MED23: variants seen among roughly 807,000 people sequenced by gnomAD.
MED23 encodes mediator complex subunit 23.
A neutral mutation model predicts 163.9 loss-of-function variants in MED23; 105 were observed. The ratio of observed to expected loss-of-function variants is 0.64; its 90% CI spans 0.55 to 0.75. The LOEUF is 0.75. MED23 is among the 30% of genes least tolerant of loss of function. The probability of loss-of-function intolerance (pLI) is 0.00; values close to 1 mark genes in which losing one functional copy is unlikely to be tolerated. For synonymous variants in MED23, 561 were observed against 565.6 expected (o/e 0.99, Z 0.12); for missense variants, 1,054 against 1,649.0 (o/e 0.64, Z 6.25).
chr6:131,589,742 C>T, intron 27 of MED23, 146 bp from the exon 28 acceptor site: 1 of 745,334 alleles, frequency 1.3e-6, no homozygotes, highest in Non-Finnish European at 2.3e-6. Flanking sequence ...CCTCTATGCA[C>T]ATGAGATATG....
chr6:131,596,594 CT>C lies in MED23; in HGVS notation c.2701del (p.Ser901ValfsTer4). On this transcript the variant is annotated frameshift_variant, in exon 21 of 29. Coordinates refer to ENST00000368068, the MANE Select transcript of MED23 (RefSeq NM_004830.4). LOFTEE classifies it high-confidence loss of function. ...TGGGGAATTTTCCTTCACAAAGTCA[CT>C]TACTCGATTTCTAAAATCGTTTGGT... ...LKPNDFRNRV[S>X]DFVKENSPEH... 1 of 1,614,174 alleles carries C rather than the reference CT, an allele frequency of 6.2e-7. No homozygotes were observed. Among genetic ancestry groups the C allele is most frequent in the East Asian group, 2.2e-5 (1 of 44,868 alleles).
intron 12 of MED23, among the ~76,000 whole-genome samples, chr6:131,607,666 G>A (rs905979276): frequency 1.3e-5 from 2 of 152,028 alleles, no homozygotes; most frequent in Non-Finnish European, 2.9e-5. Context: ...ACATACTGAG[G>A]CTCAACTGTC....
chr6:131,610,012 T>G (rs1215048413), intron 11 of MED23, 34 bp downstream of exon 11: 11 of 1,588,124 alleles, frequency 6.9e-6, no homozygotes, highest in African/African-American at 1.3e-5. Context: ...AATCAACAGG[T>G]GAAGTCACTC....
At chr6:131,606,646 A>C (rs1280209058) in intron 12 of MED23, 22 bp from the exon 13 acceptor site, 1 of 1,556,370 alleles carries the variant, frequency 6.4e-7, no homozygotes, top group Admixed American at 1.7e-5. Context: ...CAATTTGAAA[A>C]ATAACACAAT....
intron 25 of MED23, chr6:131,591,864 G>C: frequency 3.6e-6 from 1 of 276,664 alleles, no homozygotes; most frequent in Non-Finnish European, 6.8e-6. Flanking sequence ...GGAGGTCAGA[G>C]AAAGGAGTCT....
chr6:131,614,108 G>A (rs551280752), intron 10 of MED23, among the ~76,000 whole-genome samples: 2 of 152,210 alleles, frequency 1.3e-5, no homozygotes, highest in African/African-American at 4.8e-5. Flanking sequence ...TAATGACTTG[G>A]TATTTAAGAT....
intron 16 of MED23, among the ~76,000 whole-genome samples, chr6:131,602,597 T>C (rs868797543): frequency 6.6e-6 from 1 of 152,222 alleles, no homozygotes. Flanking sequence ...TTGAAAAAGA[T>C]GGCTTGTCGC....
intron 17 of MED23, among the ~76,000 whole-genome samples, chr6:131,600,695 T>G (rs1440805140): frequency 2.0e-5 from 3 of 152,182 alleles, no homozygotes; most frequent in African/African-American, 7.2e-5. Flanking sequence ...TCTTGGGGAT[T>G]CCCCAATAGC....
At chr6:131,611,005 TAA>T (rs1422717403) in intron 10 of MED23, among the ~76,000 whole-genome samples, 8 of 152,198 alleles carry the variant, frequency 5.3e-5, no homozygotes, top group Admixed American at 5.2e-4. Flanking sequence ...TCTGTGCTTT[TAA>T]AAGTGATTTA....
At chr6:131,608,309 C>T (rs953728027) in intron 11 of MED23, among the ~76,000 whole-genome samples, 3 of 151,428 alleles carry the variant, frequency 2.0e-5, no homozygotes, top group Admixed American at 1.3e-4. Context: ...CCCAAAACAA[C>T]TAATGCATAT....
At position 131,606,568 on chromosome 6, in the gene MED23, G is replaced by C. The variant is rs142439912; in HGVS notation, c.1278C>G (p.Thr426=). ...TTCTATTGAGATGAATCCAAATACA[G>C]GTCATTGCAAAGGCATGGGTTGACT... ...KPQSTHAFAM[T]CIWIHLNRKA... is the part of the protein sequence containing the mutation. Residue 426 remains threonine, a synonymous_variant, in exon 13 of 29, where the codon ACC becomes ACG. Coordinates refer to ENST00000368068, the MANE Select transcript of MED23 (RefSeq NM_004830.4). 2.9e-5 allele frequency: 46 copies of C among 1,613,050 alleles called. No individual in the cohort carries two copies. The highest frequency in any genetic ancestry group is 3.2e-5 in the Non-Finnish European group (38 of 1,179,292).
At chr6:131,602,946 A>T in intron 16 of MED23, 84 bp downstream of exon 16, 1 of 1,346,078 alleles carries the variant, frequency 7.4e-7, no homozygotes, top group East Asian at 2.3e-5. Flanking sequence ...AAAAAACTAT[A>T]AGGTAAAGGT....
intron 30 of MED23, among the ~76,000 whole-genome samples, chr6:131,577,794 A>G (rs1773693893): frequency 1.3e-5 from 2 of 151,800 alleles, no homozygotes; most frequent in African/African-American, 4.8e-5. Context: ...AGTCCCAGCT[A>G]CTTGGGAGGC....
downstream of MED23, chr6:131,584,037 C>A (rs1281815681): frequency 9.7e-7 from 1 of 1,034,642 alleles, no homozygotes; most frequent in Admixed American, 2.8e-5. Flanking sequence ...TTAGTATAAA[C>A]TCTACAAATT....
chr6:131,582,728 C>G (rs1196782413), downstream of MED23: 1 of 1,611,440 alleles, frequency 6.2e-7, no homozygotes, highest in South Asian at 1.1e-5. Context: ...AAGCTTATTC[C>G]TTGATGTGAT....
chr6:131,579,139 G>C, intron 30 of MED23: 1 of 1,614,164 alleles, frequency 6.2e-7, no homozygotes, highest in Non-Finnish European at 8.5e-7. Context: ...ATGGGGACCT[G>C]CCCTTTGCTG....
chr6:131,602,914 G>T, intron 16 of MED23, 116 bp downstream of exon 16: 1 of 1,088,964 alleles, frequency 9.2e-7, no homozygotes, highest in Non-Finnish European at 1.3e-6. Context: ...GAAGTTTTAT[G>T]ACAGATGAAT....
At chr6:131,608,908 G>A (rs1215611887) in intron 11 of MED23, among the ~76,000 whole-genome samples, 1 of 152,028 alleles carries the variant, frequency 6.6e-6, no homozygotes, top group African/African-American at 2.4e-5. Flanking sequence ...TCTTCCACTT[G>A]TCTCCCTTTT....
rs765045229 is a variant in MED23 at position 131,596,539 on chromosome 6, G to C, written c.2757C>G (p.Thr919=). Residue 919 remains threonine (T), a synonymous_variant, in exon 21 of 29, where the codon ACC becomes ACG. Transcript: ENST00000368068. ...PEHWLQNDWH[T]KHMNYHKKYP... is the part of the protein sequence containing the mutation. Reference sequence around the variant, plus strand: ...GTACCTTGTGATAATTCATGTGCTTGGTGTGCCAGTCATTCTGTAACCAGT... The same window carrying C: ...GTACCTTGTGATAATTCATGTGCTTCGTGTGCCAGTCATTCTGTAACCAGT... The C allele has an allele frequency of 6.2e-7, 1 of 1,614,082 alleles. No homozygotes were observed. The highest frequency in any genetic ancestry group is 8.5e-7 in the Non-Finnish European group (1 of 1,179,994).
Sources: gnomAD v4.1 joint callset for allele counts (sites outside exome capture counted in the v4.1 genomes callset) on GRCh38, gnomAD v4.1.1 for gene constraint, MANE v1.5 for transcripts, NCBI Gene and HGNC (gene_info 2026-07-23, HGNC 2026-07-21) for gene names.